DHX57: variants seen among roughly 807,000 people sequenced by gnomAD.
The protein encoded by DHX57 is putative ATP-dependent RNA helicase DHX57.
Under a neutral mutation model 156.2 loss-of-function variants are expected in DHX57, and 105 were observed. That is an observed-to-expected ratio of 0.67 (90% CI 0.57 to 0.79). The LOEUF is 0.79. Ranked by LOEUF, DHX57 falls within the 30% of genes least tolerant of loss-of-function variation. The pLI, the probability that DHX57 is intolerant of heterozygous loss-of-function variation, is 0.00. For missense variants in DHX57, 1,847 were observed against 1,661.9 expected (o/e 1.11, Z -1.94); for synonymous variants, 704 against 595.6 (o/e 1.18, Z -2.65).
At chr2:38,838,006 T>G in intron 12 of DHX57, 59 bp from the exon 13 acceptor site, 1 of 1,091,662 alleles carries the variant, frequency 9.2e-7, no homozygotes, top group Non-Finnish European at 1.4e-6. Flanking sequence ...TGTATTTTAT[T>G]GTATATTTAT....
chr2:38,815,429 A>T, intron 20 of DHX57, 92 bp downstream of exon 20: 1 of 1,524,342 alleles, frequency 6.6e-7, no homozygotes, highest in Non-Finnish European at 9.0e-7. Context: ...TCAAAGGCTT[A>T]AGTGAAGAAG....
At chr2:38,807,984 CTT>C (rs1162024586) in intron 21 of DHX57, among the ~76,000 whole-genome samples, 1 of 73,774 alleles carries the variant, frequency 1.4e-5, no homozygotes, top group Non-Finnish European at 2.4e-5. Context: ...GAGATGGAGT[CTT>C]GTTGTGTCAC....
intron 13 of DHX57, among the ~76,000 whole-genome samples, chr2:38,831,322 C>CTT (rs11348384): frequency 8.6e-6 from 1 of 116,938 alleles, no homozygotes; most frequent in African/African-American, 2.9e-5. Flanking sequence ...TTCTTTATTT[C>CTT]TTTTTTTTTT....
intron 16 of DHX57, 74 bp downstream of exon 16, chr2:38,825,773 G>C (rs948637718): frequency 2.4e-5 from 36 of 1,482,274 alleles, no homozygotes; most frequent in Non-Finnish European, 3.0e-5. Flanking sequence ...AGAAGTAAAA[G>C]GAAAACATGG....
Position 38,802,915 on chromosome 2 carries a change from C to G in DHX57, c.3817G>C (p.Val1273Leu). The G allele has an allele frequency of 6.2e-7, 1 of 1,614,002 alleles. No homozygotes were observed. The highest frequency in any genetic ancestry group is 8.5e-7 in the Non-Finnish European group (1 of 1,179,980). ...HIHPSSVNYQ[V>L]RHFDSPYLLY... is the part of the protein sequence containing the mutation. ...AGGTAGGGGCTGTCAAAGTGTCTCA[C>G]CTGTAACAAAAAACCTCAGATGATG... is the stretch of plus-strand genomic sequence containing the variant. Residue 1273 changes from valine to leucine, a missense_variant and splice_region_variant, in exon 23 of 24, where the codon GTG (valine) becomes CTG (leucine). Physicochemically the swap from Val to Leu is conservative, Grantham distance 32 (BLOSUM62 1). Coordinates refer to ENST00000457308, the MANE Select transcript of DHX57 (RefSeq NM_198963.3).
chr2:38,845,486 G>A (rs575161606), intron 11 of DHX57, among the ~76,000 whole-genome samples: 1 of 151,976 alleles, frequency 6.6e-6, no homozygotes, highest in Non-Finnish European at 1.5e-5. Context: ...GGAAGGAACA[G>A]AGAAGGAGAA....
intron 1 of DHX57, among the ~76,000 whole-genome samples, chr2:38,870,247 A>G (rs1299935764): frequency 6.6e-6 from 1 of 152,178 alleles, no homozygotes; most frequent in African/African-American, 2.4e-5. Context: ...ATATACATAT[A>G]ATGAGAATAC....
rs1672893813 is a variant in DHX57 at position 38,856,370 on chromosome 2, T to G, written c.1679A>C (p.His560Pro). 1 of 1,613,024 alleles carries G rather than the reference T, an allele frequency of 6.2e-7. No homozygotes were observed. Residue 560 changes from histidine to proline, a missense_variant, in exon 7 of 24, where the codon CAC becomes CCC. By Grantham distance (77) the His-to-Pro change is moderately conservative. Coordinates refer to ENST00000457308, the MANE Select transcript of DHX57 (RefSeq NM_198963.3). ...CATACCACTTATGACAACCACCTGG[T>G]GCTTACGCAATAAGTTAAGAATGGT... ...RETILNLLRK[H>P]QVVVISGMTG... is the part of the protein sequence containing the mutation.
intron 17 of DHX57, among the ~76,000 whole-genome samples, chr2:38,822,312 T>A (rs1670864412): frequency 6.6e-6 from 1 of 152,046 alleles, no homozygotes; most frequent in Non-Finnish European, 1.5e-5. Context: ...AACTCCTGAC[T>A]TCAGGTGATC....
chr2:38,808,152 A>T (rs190117644), intron 21 of DHX57, among the ~76,000 whole-genome samples: 5 of 144,300 alleles, frequency 3.5e-5, no homozygotes, highest in East Asian at 2.1e-4. Flanking sequence ...ACAGGGTTTC[A>T]CCATGTTGGT....
In DHX57 at chr2:38,854,040, A is replaced by G; in HGVS notation, c.2030+14T>C. On this transcript the variant is annotated intron_variant, in intron 9 of 23. Coordinates refer to ENST00000457308, the MANE Select transcript of DHX57 (RefSeq NM_198963.3). ...CAGGTGAGTGTGTGTTCCCTGGGAA[A>G]GTCTTTGTTTTACCTTTCTTCTGTC... 6.3e-7 allele frequency: 1 copy of G among 1,595,274 alleles called. No individual in the cohort carries two copies. The highest frequency in any genetic ancestry group is 8.5e-7 in the Non-Finnish European group (1 of 1,169,868).
intron 23 of DHX57, among the ~76,000 whole-genome samples, chr2:38,798,789 C>G (rs867404494): frequency 1.3e-5 from 2 of 151,860 alleles, no homozygotes; most frequent in Non-Finnish European, 2.9e-5. Context: ...ACTAGAAATA[C>G]AAAAATTAGC....
At chr2:38,867,869 T>A (rs981818102) in intron 2 of DHX57, among the ~76,000 whole-genome samples, 5 of 152,224 alleles carry the variant, frequency 3.3e-5, no homozygotes, top group Admixed American at 3.3e-4. Context: ...TGTTCAATGT[T>A]AACATCATCA....
chr2:38,862,474 T>A (rs1285726829), intron 3 of DHX57, 141 bp from the exon 4 acceptor site: 2 of 806,770 alleles, frequency 2.5e-6, no homozygotes, highest in African/African-American at 1.8e-5. Context: ...GAACTATTAA[T>A]TTATATCTTG....
At position 38,861,054 on chromosome 2, in the gene DHX57, G is replaced by A. The variant is rs949347645; in HGVS notation, c.1356C>T (p.Ala452=). The A allele has an allele frequency of 6.2e-7, 1 of 1,614,124 alleles. No individual in the cohort carries two copies. The highest frequency in any genetic ancestry group is 8.5e-7 in the Non-Finnish European group (1 of 1,180,000). ...VPSRTRINNP[A]CHKTVIPNNS... The stretch of plus-strand genomic sequence containing the variant: ...TATTTGGAATCACTGTTTTATGACA[G>A]GCAGGATTATTTATTCTGGTCCTAG... Residue 452 remains alanine (A), a synonymous_variant, in exon 5 of 24, where the codon GCC becomes GCT. Coordinates refer to ENST00000457308, the MANE Select transcript of DHX57 (RefSeq NM_198963.3).
At chr2:38,803,814 C>T (rs1669812183) in intron 22 of DHX57, among the ~76,000 whole-genome samples, 1 of 142,952 alleles carries the variant, frequency 7.0e-6, no homozygotes, top group Admixed American at 7.2e-5. Flanking sequence ...TGCAGTCTCG[C>T]TCTGTCACCC....
intron 19 of DHX57, among the ~76,000 whole-genome samples, chr2:38,816,464 C>A (rs1670553328): frequency 6.6e-6 from 1 of 152,154 alleles, no homozygotes; most frequent in Non-Finnish European, 1.5e-5. Context: ...GATCCGCCCA[C>A]CTTGGCCTCC....
chr2:38,875,814 G>T lies in DHX57; in HGVS notation c.-34C>A. On this transcript the variant is annotated 5_prime_UTR_variant, in exon 1 of 24. Transcript: ENST00000457308. ...GGCTCGCAGAGTTGGGTCCCGAGCCGGCTGTCGGGAGGTGCTGCCCAAGGG... is the reference window on the plus strand; with the variant it reads ...GGCTCGCAGAGTTGGGTCCCGAGCCTGCTGTCGGGAGGTGCTGCCCAAGGG... The T allele has an allele frequency of 2.6e-6, 1 of 386,828 alleles. No homozygotes were observed. The highest frequency in any genetic ancestry group is 4.6e-6 in the Non-Finnish European group (1 of 219,026). 24.0% of individuals were successfully genotyped at this position (386,828 alleles called of 1,614,324 possible).
In DHX57 at chr2:38,844,224, T is replaced by C. The variant is rs1184681014; in HGVS notation, c.2220-1014A>G. On this transcript the variant is annotated intron_variant, in intron 11 of 23. Coordinates refer to ENST00000457308, the MANE Select transcript of DHX57 (RefSeq NM_198963.3). ...GTGGTATGGTATAGAAAAATAAGTA[T>C]ACTTTCAAGGAGCTTACAAACTAGT... Among the ~76,000 whole-genome samples, 3 of 152,290 alleles carry C rather than the reference T, an allele frequency of 2.0e-5. No individual in the cohort carries two copies. The East Asian group carries it at 5.8e-4, about 29-fold the overall frequency.
Sources: gnomAD v4.1 joint callset for allele counts (sites outside exome capture counted in the v4.1 genomes callset) on GRCh38, gnomAD v4.1.1 for gene constraint, MANE v1.5 for transcripts, NCBI Gene and HGNC (gene_info 2026-07-23, HGNC 2026-07-21) for gene names.